Variants in ST7 observed in about 807,000 individuals in gnomAD.
ST7 encodes the protein suppressor of tumorigenicity 7 protein.
A neutral mutation model predicts 78.7 loss-of-function variants in ST7; 28 were observed. The ratio of observed to expected loss-of-function variants is 0.36; its 90% CI spans 0.26 to 0.49. The LOEUF (loss-of-function observed/expected upper bound fraction) is 0.49, where lower values mean the gene tolerates loss of function less well. Among genes scored for constraint, ST7 ranks in the 20% least tolerant of loss-of-function variants. The pLI is 0.99. For synonymous variants in ST7, 247 were observed against 249.6 expected, an observed-to-expected ratio of 0.99 and a Z score of 0.10; for missense variants, 418 against 696.0, an observed-to-expected ratio of 0.60 and a Z score of 4.49.
chr7:117,213,742 C>T (rs965745774), intron 13 of ST7, among the ~76,000 whole-genome samples: 4 of 152,064 alleles, frequency 2.6e-5, no homozygotes, highest in African/African-American at 9.7e-5. Context: ...TGAAATTACA[C>T]AATACGTTCC....
chr7:117,072,474 A>G (rs527841033), intron 1 of ST7: 1 of 152,210 alleles, frequency 6.6e-6, no homozygotes, highest in South Asian at 2.1e-4. Flanking sequence ...AGCAGTCATG[A>G]TCCACTTAGT....
At chr7:117,118,061 A>C (rs1803038559) in intron 2 of ST7, 1 of 152,570 alleles carries the variant, frequency 6.6e-6, no homozygotes, top group African/African-American at 2.4e-5. Flanking sequence ...TGCCCAGAGA[A>C]AATACTTGGA....
intron 9 of ST7, 79 bp from the exon 10 acceptor site, chr7:117,170,783 T>C: frequency 1.9e-6 from 1 of 520,126 alleles, no homozygotes; most frequent in Non-Finnish European, 3.0e-6. Flanking sequence ...ATACAATAAA[T>C]ATATATAATA....
rs183836437 is a variant in ST7 at position 117,109,518 on chromosome 7, A to G, written c.234+9674A>G. On this transcript the variant is annotated intron_variant, in intron 2 of 15. Transcript: ENST00000323984. ...AACCATCCTAAATTAAACTAGGAAG[A>G]AATTGAAAGTCTGAACAGATTGAAA... is the stretch of plus-strand genomic sequence containing the variant. Among the ~76,000 whole-genome samples, 145 of 152,336 alleles carry G rather than the reference A, an allele frequency of 9.5e-4. 1 individual carries two copies. Among genetic ancestry groups the G allele is most frequent in the Middle Eastern group, 3.4e-3 (1 of 294 alleles).
Position 117,122,582 on chromosome 7 carries a change from C to T in ST7, c.394+2862C>T, listed in dbSNP as rs761386222. 1.2e-4 allele frequency among the ~76,000 whole-genome samples: 19 copies of T among 152,120 alleles called. 1 individual carries two copies. Among genetic ancestry groups the T allele is most frequent in the Non-Finnish European group, 2.2e-4 (15 of 68,008 alleles). On this transcript the variant is annotated intron_variant, in intron 3 of 15. Coordinates refer to ENST00000323984, the MANE Select transcript of ST7 (RefSeq NM_001369598.1). ...AGTGCCTACTATGCATTCTATATTTCCATTCATTTCTTGTATAATAGATAA... is the reference window on the plus strand; with the variant it reads ...AGTGCCTACTATGCATTCTATATTTTCATTCATTTCTTGTATAATAGATAA...
intron 4 of ST7, among the ~76,000 whole-genome samples, chr7:117,130,240 A>G (rs943458876): frequency 4.6e-5 from 7 of 151,928 alleles, no homozygotes; most frequent in Non-Finnish European, 8.8e-5. Context: ...AATATGAATT[A>G]GGGAAGGTTT....
chr7:117,180,369 G>T (rs570259781), intron 10 of ST7, among the ~76,000 whole-genome samples: 3 of 152,176 alleles, frequency 2.0e-5, no homozygotes, highest in Non-Finnish European at 2.9e-5. Context: ...GATAGTAGAG[G>T]ACATGATGCG....
At chr7:117,161,608 T>TC (rs1277553787) in intron 9 of ST7, among the ~76,000 whole-genome samples, 3 of 148,460 alleles carry the variant, frequency 2.0e-5, no homozygotes, top group Admixed American at 6.7e-5. Flanking sequence ...TTTTTTTTTT[T>TC]TTTCTTTCCA....
At chr7:116,970,184 C>T (rs563705954) in intron 1 of ST7, among the ~76,000 whole-genome samples, 3 of 152,202 alleles carry the variant, frequency 2.0e-5, no homozygotes, top group East Asian at 3.9e-4. Context: ...AGGCTGCTGA[C>T]GTGGAGAGGG....
chr7:117,120,133 T>A (rs1486777533), intron 3 of ST7, among the ~76,000 whole-genome samples: 1 of 152,124 alleles, frequency 6.6e-6, no homozygotes, highest in Admixed American at 6.5e-5. Context: ...TTTCGCTATG[T>A]TGTCTAGACT....
chr7:117,164,605 A>G (rs941347300), intron 9 of ST7, among the ~76,000 whole-genome samples: 1 of 152,200 alleles, frequency 6.6e-6, no homozygotes, highest in African/African-American at 2.4e-5. Flanking sequence ...GAATAACTTT[A>G]AATATAGGAC....
chr7:117,073,829 T>G, intron 1 of ST7: 1 of 152,228 alleles, frequency 6.6e-6, no homozygotes, highest in East Asian at 1.9e-4. Flanking sequence ...CTTTCCCAGC[T>G]TCCAGGAATC....
rs543237157 is a variant in ST7, at chr7:117,219,253, T to C, written c.1498+77T>C. ...TTGGAAGAGGTGGGAATATCAAAGT[T>C]TAGAATGCTCCTTGTCTTTTATTAC... On this transcript the variant is annotated intron_variant, in intron 14 of 15. Transcript: ENST00000323984. The surrounding 1 kb of genome is among the most constrained non-coding windows in gnomAD (Gnocchi z 5.1). The C allele has an allele frequency of 1.9e-4, 215 of 1,155,834 alleles. No homozygotes were observed. In the Admixed American group the frequency reaches 4.5e-3, roughly 24 times the overall value. The allele number at this position is 1,155,834 out of a possible 1,614,324, so 71.6% of individuals were successfully genotyped here.
chr7:117,018,872 CAAA>C (rs1252802169), intron 1 of ST7, among the ~76,000 whole-genome samples: 1 of 152,202 alleles, frequency 6.6e-6, no homozygotes, highest in Non-Finnish European at 1.5e-5. Flanking sequence ...TTAGCATCAT[CAAA>C]TGTTCTTCTT....
chr7:117,142,381 T>A (rs73211905), intron 9 of ST7, among the ~76,000 whole-genome samples: 2,055 of 152,222 alleles, frequency 0.013, 22 homozygotes, highest in Middle Eastern at 0.027. Context: ...TTGGGTCAGA[T>A]TGGGGAGCTG....
intron 10 of ST7, among the ~76,000 whole-genome samples, chr7:117,180,385 C>T (rs1398316204): frequency 6.6e-6 from 1 of 152,144 alleles, no homozygotes; most frequent in Non-Finnish European, 1.5e-5. Context: ...ATGCGAATGC[C>T]TGTATAAATC....
rs866932472 is a variant in ST7, at chr7:117,108,264, G to A, written c.234+8420G>A. Among the ~76,000 whole-genome samples, 8 of 152,222 alleles carry A rather than the reference G, an allele frequency of 5.3e-5. No individual in the cohort carries two copies. In the South Asian group the frequency reaches 8.3e-4, roughly 16 times the overall value. ...TTTGATTCATCTTGAGGTGATTTTT[G>A]TATAAGGTGAGCGATGAGGATCTAG... On this transcript the variant is annotated intron_variant, in intron 2 of 15. Transcript: ENST00000323984.
At chr7:117,034,530 C>A (rs1796778689) in intron 1 of ST7, among the ~76,000 whole-genome samples, 1 of 152,108 alleles carries the variant, frequency 6.6e-6, no homozygotes, top group Admixed American at 6.5e-5. Context: ...AGGTCAATAC[C>A]TTTTCTTTAT....
intron 1 of ST7, among the ~76,000 whole-genome samples, chr7:116,963,352 G>A (rs529896936): frequency 6.6e-6 from 1 of 152,198 alleles, no homozygotes; most frequent in African/African-American, 2.4e-5. Context: ...GGGCAAGACA[G>A]TTGCTGATGT....
Sources: allele counts gnomAD v4.1 joint callset (sites outside exome capture counted in the v4.1 genomes callset), GRCh38; gene constraint gnomAD v4.1.1; non-coding constraint Gnocchi (gnomAD v3.1); transcripts MANE v1.5; gene names NCBI Gene and HGNC (gene_info 2026-07-23, HGNC 2026-07-21).